Variants in ELAPOR2 observed in about 807,000 individuals in gnomAD.
ELAPOR2 encodes the protein endosome/lysosome-associated apoptosis and autophagy regulator family member 2.
A neutral mutation model predicts 120.7 loss-of-function variants in ELAPOR2; 89 were observed. The observed-to-expected ratio is 0.74, with a 90% CI of 0.62 to 0.88. ELAPOR2 has a LOEUF of 0.88. Among genes scored for constraint, ELAPOR2 ranks in the 40% least tolerant of loss-of-function variants. The pLI is 0.00. For synonymous variants in ELAPOR2, 444 were observed against 444.9 expected (o/e 1.00, Z 0.03); for missense variants, 1,134 against 1,251.6 (o/e 0.91, Z 1.42).
intron 10 of ELAPOR2, chr7:86,919,653 T>C (rs370425812): frequency 3.0e-5 from 5 of 167,046 alleles, no homozygotes; most frequent in East Asian, 3.3e-4. Flanking sequence ...CAATGTGCAA[T>C]AGAAACTTCA....
chr7:86,984,394 C>T (rs536216993), intron 1 of ELAPOR2, among the ~76,000 whole-genome samples: 23 of 152,174 alleles, frequency 1.5e-4, no homozygotes, highest in Non-Finnish European at 2.2e-4. Flanking sequence ...TTATTCTCAG[C>T]ACCACATTGC....
chr7:86,952,220 G>T (rs1353205229), intron 2 of ELAPOR2, among the ~76,000 whole-genome samples: 1 of 152,146 alleles, frequency 6.6e-6, no homozygotes, highest in African/African-American at 2.4e-5. Flanking sequence ...AGTCAAATTT[G>T]CAAATATTGA....
At chr7:87,031,040 C>G (rs575569304) in intron 1 of ELAPOR2, among the ~76,000 whole-genome samples, 1 of 152,076 alleles carries the variant, frequency 6.6e-6, no homozygotes, top group Non-Finnish European at 1.5e-5. Context: ...TTCACTACCA[C>G]GAGAACAGTA....
chr7:87,002,103 G>A (rs1793336417), intron 1 of ELAPOR2, among the ~76,000 whole-genome samples: 1 of 152,168 alleles, frequency 6.6e-6, no homozygotes, highest in Admixed American at 6.5e-5. Context: ...AACCCAGCCA[G>A]CTGGGCAGCA....
chr7:87,048,518 T>C (rs1033345713), intron 1 of ELAPOR2, among the ~76,000 whole-genome samples: 75 of 152,250 alleles, frequency 4.9e-4, no homozygotes, highest in African/African-American at 1.8e-3. Flanking sequence ...GTGTGGATAA[T>C]TAATTGGTAC....
At chr7:86,907,533 C>CAAAA in intron 18 of ELAPOR2, 137 bp downstream of exon 18, 3 of 516,676 alleles carry the variant, frequency 5.8e-6, no homozygotes, top group Non-Finnish European at 6.4e-6. Flanking sequence ...ACATTCCCTA[C>CAAAA]AAAAAAAAAA....
chr7:86,999,002 C>T (rs1635004), intron 1 of ELAPOR2, among the ~76,000 whole-genome samples: 57,355 of 151,482 alleles, frequency 0.38, 11,685 homozygotes, highest in African/African-American at 0.53. Flanking sequence ...TTTTCTTAAA[C>T]TTATTTATAT....
At chr7:86,880,724 T>C (rs1449981653) in intron 21 of ELAPOR2, among the ~76,000 whole-genome samples, 194 bp from the exon 22 acceptor site, 2 of 150,822 alleles carry the variant, frequency 1.3e-5, no homozygotes, top group African/African-American at 2.4e-5. Flanking sequence ...GCACTTTTGA[T>C]GTCCAAGAGA....
intron 1 of ELAPOR2, among the ~76,000 whole-genome samples, chr7:87,045,469 GA>G (rs1562984534): frequency 1.3e-5 from 2 of 151,320 alleles, no homozygotes. Context: ...GGACATGGAT[GA>G]AATTGGAAAT....
chr7:86,931,600 T>C (rs1790328482), intron 8 of ELAPOR2, among the ~76,000 whole-genome samples: 1 of 151,880 alleles, frequency 6.6e-6, no homozygotes, highest in Non-Finnish European at 1.5e-5. Flanking sequence ...TACTCATTCA[T>C]TTACTAAGTC....
At chr7:87,042,941 C>T (rs1373150990) in intron 1 of ELAPOR2, among the ~76,000 whole-genome samples, 1 of 152,162 alleles carries the variant, frequency 6.6e-6, no homozygotes, top group Non-Finnish European at 1.5e-5. Context: ...CACCACCGAT[C>T]CCACAGAAAT....
chr7:86,978,007 A>G (rs1792337393), intron 1 of ELAPOR2, among the ~76,000 whole-genome samples: 1 of 152,160 alleles, frequency 6.6e-6, no homozygotes, highest in African/African-American at 2.4e-5. Context: ...ACTTCCTGAT[A>G]TGGTTTGGCT....
intron 1 of ELAPOR2, among the ~76,000 whole-genome samples, chr7:87,011,758 A>G (rs1793687938): frequency 6.6e-6 from 1 of 152,110 alleles, no homozygotes; most frequent in African/African-American, 2.4e-5. Flanking sequence ...TTCTAACAAT[A>G]TTAAAGGTAT....
intron 1 of ELAPOR2, among the ~76,000 whole-genome samples, chr7:87,014,027 C>CTTTT (rs35583728): frequency 8.2e-6 from 1 of 122,430 alleles, no homozygotes; most frequent in Non-Finnish European, 1.7e-5. Flanking sequence ...ATGTTTTTCA[C>CTTTT]TTTTTTTTTT....
intron 1 of ELAPOR2, among the ~76,000 whole-genome samples, chr7:86,968,771 A>T (rs1792004964): frequency 6.6e-6 from 1 of 152,214 alleles, no homozygotes; most frequent in African/African-American, 2.4e-5. Context: ...ATCAACAAAC[A>T]CATTGATATG....
intron 1 of ELAPOR2, among the ~76,000 whole-genome samples, chr7:86,977,456 C>G (rs1305272698): frequency 6.6e-6 from 1 of 152,130 alleles, no homozygotes; most frequent in African/African-American, 2.4e-5. Context: ...TAGCAACATC[C>G]CCTTTCACCC....
At chr7:87,021,944 G>A (rs1251439252) in intron 1 of ELAPOR2, among the ~76,000 whole-genome samples, 2 of 152,114 alleles carry the variant, frequency 1.3e-5, no homozygotes, top group Non-Finnish European at 2.9e-5. Flanking sequence ...AGCTCAGAGT[G>A]TGATATATCT....
intron 1 of ELAPOR2, among the ~76,000 whole-genome samples, chr7:87,053,139 C>T (rs1187943797): frequency 6.6e-6 from 1 of 152,070 alleles, no homozygotes; most frequent in African/African-American, 2.4e-5. Flanking sequence ...TCTGGCACAA[C>T]CAAGAGGATA....
intron 18 of ELAPOR2, among the ~76,000 whole-genome samples, chr7:86,905,658 T>A (rs2116010193): frequency 6.6e-6 from 1 of 152,176 alleles, no homozygotes; most frequent in Middle Eastern, 3.4e-3. Flanking sequence ...ATCCAAAATG[T>A]GAGTTAAGAA....
Sources: gnomAD v4.1 joint callset for allele counts (sites outside exome capture counted in the v4.1 genomes callset) on GRCh38, gnomAD v4.1.1 for gene constraint, MANE v1.5 for transcripts, NCBI Gene and HGNC (gene_info 2026-07-23, HGNC 2026-07-21) for gene names.